CACHD1: variants seen among roughly 807,000 people sequenced by gnomAD.
The protein encoded by CACHD1 is VWFA and cache domain-containing protein 1.
CACHD1 carries 71 observed loss-of-function variants against 138.7 expected under a neutral mutation model. The ratio of observed to expected loss-of-function variants is 0.51; its 90% CI spans 0.42 to 0.62. CACHD1 has a LOEUF of 0.62. CACHD1 is among the 20% of genes least tolerant of loss of function. The probability of loss-of-function intolerance (pLI) is 0.00; values close to 1 mark genes in which losing one functional copy is unlikely to be tolerated. For missense variants in CACHD1, 1,389 were observed against 1,625.3 expected (o/e 0.85, Z 2.50); for synonymous variants, 578 against 591.5 (o/e 0.98, Z 0.33).
At chr1:64,629,591 GA>G in intron 5 of CACHD1, 110 bp downstream of exon 5, 1 of 1,278,696 alleles carries the variant, frequency 7.8e-7, no homozygotes, top group Non-Finnish European at 1.1e-6. Context: ...TGTGGATTCA[GA>G]AATTTGTACT....
intron 1 of CACHD1, among the ~76,000 whole-genome samples, chr1:64,518,386 T>G (rs1342141863): frequency 1.3e-5 from 2 of 152,208 alleles, no homozygotes; most frequent in Non-Finnish European, 2.9e-5. Flanking sequence ...GCTGCACCTA[T>G]CAACCCATCA....
intron 4 of CACHD1, among the ~76,000 whole-genome samples, chr1:64,626,532 A>G (rs1403551463): frequency 6.6e-6 from 1 of 152,216 alleles, no homozygotes; most frequent in Admixed American, 6.5e-5. Flanking sequence ...ACTTATGTAC[A>G]CTGTCCTTTA....
intron 1 of CACHD1, among the ~76,000 whole-genome samples, chr1:64,498,149 G>C (rs1646315908): frequency 6.6e-6 from 1 of 151,990 alleles, no homozygotes; most frequent in African/African-American, 2.4e-5. Context: ...AAAGAGTGTG[G>C]CATATCCTCA....
chr1:64,587,941 G>A (rs1024425387), intron 3 of CACHD1, among the ~76,000 whole-genome samples: 7 of 151,804 alleles, frequency 4.6e-5, no homozygotes, highest in Non-Finnish European at 1.0e-4. Context: ...TGAAAGATTA[G>A]CAATTTAGAA....
In CACHD1 at chr1:64,658,779, C is replaced by G. The variant is rs1384923176; in HGVS notation, c.1857C>G (p.Leu619=). 3 of 1,608,966 alleles carry G rather than the reference C, an allele frequency of 1.9e-6. No individual in the cohort carries two copies. Among genetic ancestry groups the G allele is most frequent in the African/African-American group, 2.7e-5 (2 of 74,858 alleles). The change falls in exon 13 of 27, where the codon CTC becomes CTG. Residue 619 remains leucine, a synonymous_variant. Transcript: ENST00000651257. The part of the protein sequence containing the change: ...PEIPVKQLKN[L]NTVPSSKLLY... The stretch of plus-strand genomic sequence containing the variant: ...TACCTGTGAAACAACTGAAGAACCT[C>G]AACACTGTTCCCAGCAGCAAGCTGC...
chr1:64,509,543 T>C (rs1311050262), intron 1 of CACHD1, among the ~76,000 whole-genome samples: 1 of 152,228 alleles, frequency 6.6e-6, no homozygotes, highest in Non-Finnish European at 1.5e-5. Flanking sequence ...GATCTCAGGG[T>C]AAAACACTCA....
chr1:64,523,338 CT>C (rs1315756354), intron 1 of CACHD1, among the ~76,000 whole-genome samples: 1 of 151,988 alleles, frequency 6.6e-6, no homozygotes, highest in African/African-American at 2.4e-5. Context: ...GTTTTGTCTT[CT>C]TTTATAGGTT....
rs1412450800 is a variant in CACHD1, at chr1:64,658,854, C to G, written c.1932C>G (p.Phe644Leu). 3.2e-6 allele frequency: 5 copies of G among 1,575,868 alleles called. No individual in the cohort carries two copies. Among genetic ancestry groups the G allele is most frequent in the Non-Finnish European group, 4.3e-6 (5 of 1,158,228 alleles). Residue 644 changes from phenylalanine (F) to leucine (L), a missense_variant, in exon 13 of 27, where the codon TTC (phenylalanine) becomes TTG (leucine). Phe to Leu is a conservative substitution (Grantham distance 22). This residue lies in a region of CACHD1 where 1,000 missense variants were observed against 1,114.7 expected (regional missense o/e 0.90). Transcript: ENST00000651257. Reference protein sequence around the residue: ...LLGQPSACLHFKQLATLESPT... With the variant: ...LLGQPSACLHLKQLATLESPT... Reference sequence around the variant, plus strand: ...GCCAGCCCAGTGCTTGCCTCCACTTCAAACAGCTGGCAACCCTAGGTAAAG... The same window carrying G: ...GCCAGCCCAGTGCTTGCCTCCACTTGAAACAGCTGGCAACCCTAGGTAAAG...
intron 4 of CACHD1, among the ~76,000 whole-genome samples, chr1:64,607,216 A>C (rs973152336): frequency 1.3e-5 from 2 of 152,174 alleles, no homozygotes; most frequent in African/African-American, 4.8e-5. Context: ...GAAGCTGGAA[A>C]GGGAGCTGAG....
chr1:64,533,729 A>G (rs1646607420), intron 1 of CACHD1, among the ~76,000 whole-genome samples: 1 of 141,786 alleles, frequency 7.1e-6, no homozygotes, highest in African/African-American at 2.6e-5. Flanking sequence ...TGAATAATAG[A>G]TATCTTTTTC....
At chr1:64,545,778 ACCG>A (rs1308958675) in intron 1 of CACHD1, among the ~76,000 whole-genome samples, 1 of 152,214 alleles carries the variant, frequency 6.6e-6, no homozygotes, top group African/African-American at 2.4e-5. Context: ...TTGAGAAGAT[ACCG>A]CCAGTTTTCC....
chr1:64,564,789 A>AGT (rs1408441134), intron 2 of CACHD1, among the ~76,000 whole-genome samples: 1 of 152,122 alleles, frequency 6.6e-6, no homozygotes, highest in Non-Finnish European at 1.5e-5. Flanking sequence ...CTAATTGAGA[A>AGT]GTGTGAGACT....
At chr1:64,596,151 C>T (rs1364308693) in intron 3 of CACHD1, among the ~76,000 whole-genome samples, 1 of 152,118 alleles carries the variant, frequency 6.6e-6, no homozygotes, top group African/African-American at 2.4e-5. Flanking sequence ...TGTGATAGTT[C>T]CTTTTTGAAG....
Position 64,691,634 on chromosome 1 carries a change from TA to T in CACHD1, c.*77del. On this transcript the variant is annotated 3_prime_UTR_variant, in exon 27 of 27. Coordinates refer to ENST00000651257, the MANE Select transcript of CACHD1 (RefSeq NM_020925.4). ...GTTCTGGAAAGAAAAAGAACCGGCT[TA>T]AAACCCACAGCAAGAGACCTCCCTT... 7.2e-7 allele frequency: 1 copy of T among 1,394,438 alleles called. No homozygotes were observed. Among genetic ancestry groups the T allele is most frequent in the Non-Finnish European group, 1.0e-6 (1 of 992,424 alleles). The allele number at this position is 1,394,438 out of a possible 1,614,324, so 86.4% of individuals were successfully genotyped here.
At chr1:64,604,714 G>A (rs1463580426) in intron 4 of CACHD1, among the ~76,000 whole-genome samples, 6 of 151,798 alleles carry the variant, frequency 4.0e-5, no homozygotes, top group African/African-American at 9.7e-5. Flanking sequence ...GTGCAGTGGC[G>A]TGATCATGGC....
At chr1:64,480,078 C>G (rs1263778949) in intron 1 of CACHD1, among the ~76,000 whole-genome samples, 2 of 152,214 alleles carry the variant, frequency 1.3e-5, no homozygotes, top group African/African-American at 2.4e-5. Context: ...AGGCTGGCTG[C>G]CCAGTGTGGT....
intron 1 of CACHD1, among the ~76,000 whole-genome samples, chr1:64,492,072 C>G (rs555336707): frequency 3.3e-4 from 50 of 151,500 alleles, no homozygotes; most frequent in African/African-American, 1.0e-3. Flanking sequence ...TGGTTTGAAA[C>G]TGGAACTTCC....
chr1:64,598,055 G>T (rs76595887), intron 3 of CACHD1, among the ~76,000 whole-genome samples: 3,487 of 152,238 alleles, frequency 0.023, 132 homozygotes, highest in African/African-American at 0.08. Flanking sequence ...GGGACCAGAG[G>T]TAGCTAAAGT....
At chr1:64,649,719 C>T (rs1301674668) in intron 9 of CACHD1, among the ~76,000 whole-genome samples, 5 of 152,168 alleles carry the variant, frequency 3.3e-5, no homozygotes, top group Non-Finnish European at 7.3e-5. Context: ...GGAACTCCCT[C>T]CTAAATCCAG....
Sources: gnomAD v4.1 joint callset for allele counts (sites outside exome capture counted in the v4.1 genomes callset) on GRCh38, gnomAD v4.1.1 for gene constraint, gnomAD v4.1.1 regional missense constraint, MANE v1.5 for transcripts, NCBI Gene and HGNC (gene_info 2026-07-23, HGNC 2026-07-21) for gene names.